The following RPS6KA5 variants were observed in gnomAD, a reference collection of about 807,000 sequenced individuals.
RPS6KA5 encodes ribosomal protein S6 kinase A5, also known as ribosomal protein S6 kinase alpha-5.
In RPS6KA5, 27 loss-of-function variants were observed where a neutral mutation model predicts 85.5. The ratio of observed to expected loss-of-function variants is 0.32; its 90% confidence interval spans 0.23 to 0.44. The LOEUF (loss-of-function observed/expected upper bound fraction) is 0.44. Ranked by LOEUF, RPS6KA5 falls within the 20% of genes least tolerant of loss-of-function variation. The probability of loss-of-function intolerance (pLI) is 1.00; values close to 1 mark genes in which losing one functional copy is unlikely to be tolerated. For synonymous variants in RPS6KA5, 334 were observed against 348.2 expected (o/e 0.96, Z 0.46); for missense variants, 811 against 980.9 (o/e 0.83, Z 2.31).
chr14:90,907,753 A>C (rs955229244), intron 7 of RPS6KA5, among the ~76,000 whole-genome samples: 6 of 151,914 alleles, frequency 3.9e-5, no homozygotes, highest in African/African-American at 1.5e-4. Context: ...ATTCTTTAAT[A>C]CTCTCCCATT....
Position 90,875,224 on chromosome 14 carries a change from T to C in RPS6KA5, c.1973A>G (p.Gln658Arg). The C allele has an allele frequency of 1.9e-6, 3 of 1,613,808 alleles. No homozygotes were observed. The highest frequency in any genetic ancestry group is 2.5e-6 in the Non-Finnish European group (3 of 1,179,802). The change falls in exon 15 of 17, where the codon CAA (glutamine) becomes CGA (arginine). Residue 658 changes from glutamine to arginine, a missense_variant. Physicochemically the swap from Gln to Arg is conservative, Grantham distance 43. Transcript: ENST00000614987. ...ACCTTGGATCAAATCTTTAGCCTCT[T>C]GGGATACATTCTTCCAGGCTTCTCC... ...FEGEAWKNVS[Q>R]EAKDLIQGLL...
At chr14:90,973,512 T>G (rs1438150907) in intron 3 of RPS6KA5, among the ~76,000 whole-genome samples, 1 of 151,712 alleles carries the variant, frequency 6.6e-6, no homozygotes, top group African/African-American at 2.4e-5. Context: ...CCTACAGGTT[T>G]TTTCCCCCAA....
Position 90,894,543 on chromosome 14 carries a change from TCTC to T in RPS6KA5, c.1511_1513del (p.Gly504del), listed in dbSNP as rs767419873. 30 of 1,614,108 alleles carry T rather than the reference TCTC, an allele frequency of 1.9e-5. No individual in the cohort carries two copies. In the African/African-American group the frequency reaches 2.3e-4, roughly 12 times the overall value. ...CTTTTTCTTAATGCGCTCAAACAGT[TCTC>T]CTCCATTCAGAAGTTCCATCACTAG... On this transcript the variant is annotated inframe_deletion, in exon 13 of 17. Transcript: ENST00000614987.
rs548015056 is a variant in RPS6KA5, at chr14:90,976,446, C to T, written c.394+1860G>A. ...TCTAGGGTAAAGAATAGAAATAAAC[C>T]GGTAGGGCTTGGTACCCTTAGGCCC... On this transcript the variant is annotated intron_variant, in intron 3 of 16. Transcript: ENST00000614987. 5.3e-5 allele frequency among the ~76,000 whole-genome samples: 8 copies of T among 152,172 alleles called. No homozygotes were observed. In the East Asian group the frequency reaches 7.7e-4, roughly 15 times the overall value.
intron 1 of RPS6KA5, among the ~76,000 whole-genome samples, chr14:91,019,347 A>C (rs1287939537): frequency 6.6e-6 from 1 of 152,162 alleles, no homozygotes; most frequent in African/African-American, 2.4e-5. Flanking sequence ...AGTGTCATCC[A>C]ATCAGTTGAA....
intron 3 of RPS6KA5, among the ~76,000 whole-genome samples, chr14:90,948,754 AAC>A (rs2038017341): frequency 6.6e-6 from 1 of 152,058 alleles, no homozygotes; most frequent in Non-Finnish European, 1.5e-5. Context: ...CTGACACATT[AAC>A]ACACAGGATT....
At chr14:90,964,309 A>G (rs2038951996) in intron 3 of RPS6KA5, among the ~76,000 whole-genome samples, 1 of 152,202 alleles carries the variant, frequency 6.6e-6, no homozygotes, top group Non-Finnish European at 1.5e-5. Context: ...CATCTATAAA[A>G]CAAAGATGAT....
chr14:90,952,212 C>CTATT lies in RPS6KA5; in HGVS notation c.395-4666_395-4663dup, dbSNP rs1461807974. ...GAGTTGTGTTAAGCCTCCTTACATG[C>CTATT]TATTAGTGGGAAATATCAAAATTTG... is the stretch of plus-strand genomic sequence containing the variant. On this transcript the variant is annotated intron_variant, in intron 3 of 16. Coordinates refer to ENST00000614987, the MANE Select transcript of RPS6KA5 (RefSeq NM_004755.4). Among the ~76,000 whole-genome samples, 3 of 152,344 alleles carry CTATT rather than the reference C, an allele frequency of 2.0e-5. No individual in the cohort carries two copies. In the East Asian group the frequency reaches 5.8e-4, roughly 29 times the overall value.
rs1246941678 is a variant in RPS6KA5, at chr14:90,857,845, A to G, written c.*14229T>C. 1 of 152,206 alleles carries G rather than the reference A, an allele frequency of 6.6e-6. No individual in the cohort carries two copies. The highest frequency in any genetic ancestry group is 1.5e-5 in the Non-Finnish European group (1 of 68,020). The allele number at this position is 152,206 out of a possible 1,614,324, so 9.4% of individuals were successfully genotyped here. A position where few individuals can be genotyped will look rare whatever the true frequency, so the allele number is the denominator to read the frequency against. On this transcript the variant is annotated 3_prime_UTR_variant, in exon 17 of 17. Transcript: ENST00000614987. ...CAAGTGCCAAAGTGACACAGATCTT[A>G]TCTTAAATATTGTTATATTGCTTGT...
chr14:91,053,480 A>G (rs28867434), intron 1 of RPS6KA5, among the ~76,000 whole-genome samples: 2,036 of 152,330 alleles, frequency 0.013, 58 homozygotes, highest in African/African-American at 0.046. Context: ...CTAAACTATT[A>G]GAACCAATAA....
At chr14:90,994,861 C>T (rs369379342) in intron 2 of RPS6KA5, among the ~76,000 whole-genome samples, 3 of 151,862 alleles carry the variant, frequency 2.0e-5, no homozygotes, top group Non-Finnish European at 2.9e-5. Context: ...CGTGAGCCAC[C>T]GCACACGGCT....
chr14:91,004,698 TG>T (rs2040935166), intron 1 of RPS6KA5, among the ~76,000 whole-genome samples: 1 of 152,018 alleles, frequency 6.6e-6, no homozygotes, highest in East Asian at 1.9e-4. Flanking sequence ...CCGGGCGCGG[TG>T]GCTCACACCT....
chr14:90,885,100 A>C (rs2140173665), intron 14 of RPS6KA5, among the ~76,000 whole-genome samples: 1 of 152,076 alleles, frequency 6.6e-6, no homozygotes, highest in Admixed American at 6.6e-5. Context: ...AAAAAATACA[A>C]AAATTAGCTG....
intron 3 of RPS6KA5, among the ~76,000 whole-genome samples, chr14:90,970,906 T>A (rs1286088): frequency 0.8 from 121,344 of 151,314 alleles, 49,175 homozygotes; most frequent in East Asian, 0.97. Flanking sequence ...TTAATGTTGT[T>A]GAATTAAAAA....
rs111924067 is a variant in RPS6KA5 at position 90,913,056 on chromosome 14, A to G, written c.807-6757T>C. 5.6e-3 allele frequency among the ~76,000 whole-genome samples: 854 copies of G among 151,322 alleles called. 9 individuals carry two copies. Among genetic ancestry groups the G allele is most frequent in the African/African-American group, 0.016 (645 of 41,234 alleles). Reference sequence around the variant, plus strand: ...CTCCCGAGTAGCTGGGATTACAGGCACTCGCCACCACGCCCAGCTAATTTT... The same window carrying G: ...CTCCCGAGTAGCTGGGATTACAGGCGCTCGCCACCACGCCCAGCTAATTTT... On this transcript the variant is annotated intron_variant, in intron 7 of 16. Coordinates refer to ENST00000614987, the MANE Select transcript of RPS6KA5 (RefSeq NM_004755.4).
chr14:90,964,417 AT>A (rs1267772311), intron 3 of RPS6KA5, among the ~76,000 whole-genome samples: 1 of 152,246 alleles, frequency 6.6e-6, no homozygotes, highest in East Asian at 1.9e-4. Flanking sequence ...ACTACAAAAC[AT>A]AAATATTACA....
intron 5 of RPS6KA5, among the ~76,000 whole-genome samples, chr14:90,939,618 G>C (rs1192388474): frequency 6.6e-6 from 1 of 152,198 alleles, no homozygotes; most frequent in Non-Finnish European, 1.5e-5. Context: ...GATAGCAGGA[G>C]ACAAAGAGAG....
chr14:91,023,963 C>G (rs1566877314), intron 1 of RPS6KA5, among the ~76,000 whole-genome samples: 1 of 152,140 alleles, frequency 6.6e-6, no homozygotes, highest in African/African-American at 2.4e-5. Context: ...CTCAAGTCTT[C>G]TTTTATTCTC....
At chr14:91,043,402 A>G (rs2042674208) in intron 1 of RPS6KA5, among the ~76,000 whole-genome samples, 1 of 152,110 alleles carries the variant, frequency 6.6e-6, no homozygotes, top group Non-Finnish European at 1.5e-5. Context: ...CTCCTGACCC[A>G]TATCCTACTG....
Sources: gnomAD v4.1 joint callset for allele counts (sites outside exome capture counted in the v4.1 genomes callset) on GRCh38, gnomAD v4.1.1 for gene constraint, MANE v1.5 for transcripts, NCBI Gene and HGNC (gene_info 2026-07-23, HGNC 2026-07-21) for gene names.